NOP9: variants seen among roughly 807,000 people sequenced by gnomAD.
NOP9 encodes the protein NOP9 nucleolar protein.
A neutral mutation model predicts 63.0 loss-of-function variants in NOP9; 50 were observed. The observed-to-expected ratio is 0.79, with a 90% CI of 0.63 to 1.00. NOP9 has a LOEUF of 1.00. NOP9 is among the 50% of genes least tolerant of loss of function. The probability of loss-of-function intolerance (pLI) is 0.00; values close to 1 mark genes in which losing one functional copy is unlikely to be tolerated. For missense variants in NOP9, 758 were observed against 803.0 expected (o/e 0.94, Z 0.68); for synonymous variants, 343 against 332.8 (o/e 1.03, Z -0.33).
the NOP9 span, chr14:24,290,643 A>G: frequency 1.1e-5 from 6 of 540,550 alleles, no homozygotes; most frequent in South Asian, 1.2e-4. Context: ...GCATTTTTCA[A>G]TACTAAGGCA....
the NOP9 span, among the ~76,000 whole-genome samples, chr14:24,275,958 G>C: frequency 2.0e-5 from 3 of 152,222 alleles, no homozygotes; most frequent in Non-Finnish European, 4.4e-5. Context: ...GAAGTGTTTG[G>C]TATCTGTGTC....
At chr14:24,295,189 G>C (rs746171187), upstream of NOP9, among the ~76,000 whole-genome samples, 1 of 152,074 alleles carries the variant, frequency 6.6e-6, no homozygotes, top group Non-Finnish European at 1.5e-5. Flanking sequence ...AAGAATGAGA[G>C]ATATTTACAT....
Position 24,303,754 on chromosome 14 carries a change from C to T in NOP9, c.1307C>T (p.Ser436Leu), listed in dbSNP as rs2041421510. 6.2e-7 allele frequency: 1 copy of T among 1,614,168 alleles called. No homozygotes were observed. ...TAGGCATTCCACTGTGCAGAGCCCTCATCCCGGCAAGTGGCCTGTGTGCCT... is the reference window on the plus strand; with the variant it reads ...TAGGCATTCCACTGTGCAGAGCCCTTATCCCGGCAAGTGGCCTGTGTGCCT... Reference protein sequence around the residue: ...LLEAFHCAEPSSRQVACVPLF... With the variant: ...LLEAFHCAEPLSRQVACVPLF... The change falls in exon 7 of 10, where the codon TCA becomes TTA. Residue 436 changes from serine (S) to leucine (L), a missense_variant. Ser to Leu is a moderately radical substitution (Grantham distance 145). Coordinates refer to ENST00000267425, the MANE Select transcript of NOP9 (RefSeq NM_174913.3).
At chr14:24,273,660 C>T in the NOP9 span, among the ~76,000 whole-genome samples, 3 of 152,208 alleles carry the variant, frequency 2.0e-5, no homozygotes, top group Non-Finnish European at 4.4e-5. Flanking sequence ...TATTGGTTCT[C>T]TTTGTGCCAG....
chr14:24,288,728 C>T, the NOP9 span, among the ~76,000 whole-genome samples: 4 of 152,194 alleles, frequency 2.6e-5, no homozygotes, highest in Non-Finnish European at 1.5e-5. Context: ...GTGGTGGAGT[C>T]AGGATTTGCA....
Position 24,307,506 on chromosome 14 carries a change from A to G in NOP9, c.*2411A>G, listed in dbSNP as rs1414607494. ...TCCGTCCAAACTCCGAGCTTATATT[A>G]GATACTGACCTGGTAGTTGAGAAGA... On this transcript the variant is annotated 3_prime_UTR_variant, in exon 10 of 10. Transcript: ENST00000267425. The G allele has an allele frequency of 6.2e-7, 1 of 1,613,764 alleles. No individual in the cohort carries two copies. The highest frequency in any genetic ancestry group is 8.5e-7 in the Non-Finnish European group (1 of 1,179,848).
the NOP9 span, among the ~76,000 whole-genome samples, chr14:24,277,481 T>C: frequency 4.1e-3 from 617 of 151,860 alleles, no homozygotes; most frequent in African/African-American, 0.014. Flanking sequence ...GCTGAGGGTG[T>C]GGGGTGGAGA....
the NOP9 span, among the ~76,000 whole-genome samples, chr14:24,279,537 A>G: frequency 1.3e-5 from 2 of 152,210 alleles, no homozygotes; most frequent in African/African-American, 2.4e-5. Flanking sequence ...AGAGCATTCT[A>G]ACTCTCCCAG....
the NOP9 span, chr14:24,294,054 C>A: frequency 1.1e-4 from 16 of 152,134 alleles, no homozygotes; most frequent in Admixed American, 1.0e-3. Flanking sequence ...TGGGTCTCTG[C>A]CTCGTTTATT....
At chr14:24,291,340 T>G in the NOP9 span, 1 of 1,186,474 alleles carries the variant, frequency 8.4e-7, no homozygotes, top group Non-Finnish European at 1.2e-6. Flanking sequence ...GGAGAGCTCT[T>G]TCTCTTGGGC....
At chr14:24,277,342 CAGA>C in the NOP9 span, among the ~76,000 whole-genome samples, 1 of 152,078 alleles carries the variant, frequency 6.6e-6, no homozygotes, top group Non-Finnish European at 1.5e-5. Context: ...GAGGTCAAGG[CAGA>C]AGAAGTCAGC....
At chr14:24,296,427 G>T, upstream of NOP9, 1 of 1,333,230 alleles carries the variant, frequency 7.5e-7, no homozygotes, top group Non-Finnish European at 1.1e-6. Context: ...GAGGGAAAAG[G>T]AGAGGGCATG....
At chr14:24,297,753 T>A (rs1174146197), upstream of NOP9, among the ~76,000 whole-genome samples, 1 of 152,112 alleles carries the variant, frequency 6.6e-6, no homozygotes, top group Non-Finnish European at 1.5e-5. Flanking sequence ...ATCTCACACA[T>A]CTACTCTTTC....
the NOP9 span, among the ~76,000 whole-genome samples, chr14:24,288,627 C>T: frequency 6.6e-6 from 1 of 152,008 alleles, no homozygotes; most frequent in Non-Finnish European, 1.5e-5. Flanking sequence ...GGATTATAGG[C>T]GTGAGCCACC....
chr14:24,272,241 C>T, the NOP9 span, among the ~76,000 whole-genome samples: 2 of 152,212 alleles, frequency 1.3e-5, no homozygotes, highest in African/African-American at 4.8e-5. Flanking sequence ...AAATTTATAT[C>T]TCCAGCCCAG....
the NOP9 span, among the ~76,000 whole-genome samples, chr14:24,276,935 A>G: frequency 6.6e-6 from 1 of 152,252 alleles, no homozygotes; most frequent in Admixed American, 6.5e-5. Flanking sequence ...TTAGTGGGGG[A>G]CGGGAGACAC....
Position 24,305,311 on chromosome 14 carries a change from C to A in NOP9, c.*216C>A, listed in dbSNP as rs1222573028. ...ATCAGTATGCTGGGGAGTTTAGGGACAGGAGGCATTGGTAGGGGATTAGAT... is the reference window on the plus strand; with the variant it reads ...ATCAGTATGCTGGGGAGTTTAGGGAAAGGAGGCATTGGTAGGGGATTAGAT... On this transcript the variant is annotated 3_prime_UTR_variant, in exon 10 of 10. Coordinates refer to ENST00000267425, the MANE Select transcript of NOP9 (RefSeq NM_174913.3). 1 of 571,704 alleles carries A rather than the reference C, an allele frequency of 1.7e-6. No individual in the cohort carries two copies. The highest frequency in any genetic ancestry group is 2.9e-6 in the Non-Finnish European group (1 of 348,238). 35.4% of individuals were successfully genotyped at this position (571,704 alleles called of 1,614,324 possible). A position where few individuals can be genotyped will look rare whatever the true frequency, so the allele number is the denominator to read the frequency against.
the NOP9 span, among the ~76,000 whole-genome samples, chr14:24,275,609 C>T: frequency 6.6e-5 from 10 of 152,170 alleles, no homozygotes; most frequent in Non-Finnish European, 1.5e-4. Flanking sequence ...GCTCCAGGAC[C>T]CTGAGCCCGT....
upstream of NOP9, chr14:24,296,361 C>T (rs149933900): frequency 0.011 from 8,449 of 761,226 alleles, 161 homozygotes; most frequent in South Asian, 0.024. Flanking sequence ...GGAACTTCTC[C>T]AGAGGTAAGT....
Sources: allele counts gnomAD v4.1 joint callset (sites outside exome capture counted in the v4.1 genomes callset), GRCh38; gene constraint gnomAD v4.1.1; transcripts MANE v1.5; gene names NCBI Gene and HGNC (gene_info 2026-07-23, HGNC 2026-07-21).